Variants in PAX5 observed in about 807,000 individuals in gnomAD.
PAX5 encodes paired box 5.
A neutral mutation model predicts 43.7 loss-of-function variants in PAX5; 9 were observed. That is an observed-to-expected ratio of 0.21 (90% CI 0.12 to 0.36). PAX5 has a LOEUF of 0.36. Among genes scored for constraint, PAX5 ranks in the 10% least tolerant of loss-of-function variants. The probability of loss-of-function intolerance (pLI) is 1.00; values close to 1 mark genes in which losing one functional copy is unlikely to be tolerated. For synonymous variants in PAX5, 228 were observed against 214.3 expected, an observed-to-expected ratio of 1.06 and a Z score of -0.56; for missense variants, 383 against 532.7, an observed-to-expected ratio of 0.72 and a Z score of 2.77.
intron 6 of PAX5, among the ~76,000 whole-genome samples, chr9:36,946,174 GAGTGCTCCGTCAGGATGC>G (rs1457178565): frequency 2.6e-4 from 39 of 152,202 alleles, no homozygotes; most frequent in African/African-American, 9.4e-4. Context: ...ACTCCCTGAG[GAGTGCTCCGTCAGGATGC>G]AGTGCTCCAT....
At chr9:36,874,455 C>A (rs1825742993) in intron 8 of PAX5, among the ~76,000 whole-genome samples, 1 of 152,148 alleles carries the variant, frequency 6.6e-6, no homozygotes, top group African/African-American at 2.4e-5. Flanking sequence ...CCCCTCCCTG[C>A]CAATCCTACT....
intron 7 of PAX5, among the ~76,000 whole-genome samples, chr9:36,915,611 T>C (rs760940815): frequency 2.6e-4 from 39 of 152,190 alleles, no homozygotes; most frequent in Non-Finnish European, 4.3e-4. Flanking sequence ...GAAATTAGCT[T>C]TTTGTCATCT....
chr9:36,985,773 C>T (rs200266193), intron 5 of PAX5, among the ~76,000 whole-genome samples: 1 of 152,176 alleles, frequency 6.6e-6, no homozygotes, highest in Non-Finnish European at 1.5e-5. Flanking sequence ...CCGAACTTCC[C>T]AAGCCACAGC....
chr9:36,933,554 C>A (rs1196109295), intron 6 of PAX5, among the ~76,000 whole-genome samples: 2 of 152,172 alleles, frequency 1.3e-5, no homozygotes, highest in Non-Finnish European at 2.9e-5. Context: ...CAGCACTGGT[C>A]CCCTACCTGG....
At chr9:36,842,317 G>A (rs900987740) in intron 9 of PAX5, among the ~76,000 whole-genome samples, 2 of 152,176 alleles carry the variant, frequency 1.3e-5, no homozygotes, top group Admixed American at 6.5e-5. Flanking sequence ...GGGTGTGTGT[G>A]CATGAGAGGG....
At chr9:36,864,675 C>G (rs1373605231) in intron 8 of PAX5, among the ~76,000 whole-genome samples, 2 of 152,324 alleles carry the variant, frequency 1.3e-5, no homozygotes, top group East Asian at 3.9e-4. Flanking sequence ...TGCCTGCCTC[C>G]TCCGGCCTGG....
intron 7 of PAX5, among the ~76,000 whole-genome samples, chr9:36,901,959 C>T (rs1005257711): frequency 2.8e-4 from 42 of 152,178 alleles, no homozygotes; most frequent in South Asian, 1.7e-3. Context: ...AAACAATTTC[C>T]TTGCTCACAT....
intron 7 of PAX5, among the ~76,000 whole-genome samples, chr9:36,890,347 G>C (rs931774857): frequency 6.6e-6 from 1 of 152,298 alleles, no homozygotes; most frequent in South Asian, 2.1e-4. Context: ...AAGAGGTCCT[G>C]CCCAGAGGAG....
At chr9:36,878,241 G>A (rs910988407) in intron 8 of PAX5, among the ~76,000 whole-genome samples, 3 of 152,188 alleles carry the variant, frequency 2.0e-5, no homozygotes, top group African/African-American at 7.2e-5. Context: ...CTAACACACA[G>A]GTCCATATAA....
chr9:36,954,180 A>G lies in PAX5; in HGVS notation c.780+12369T>C, dbSNP rs928586984. Among the ~76,000 whole-genome samples the G allele has an allele frequency of 1.3e-5, 2 of 152,162 alleles. 1 individual carries two copies. Among genetic ancestry groups the G allele is most frequent in the South Asian group, 4.1e-4 (2 of 4,834 alleles). On this transcript the variant is annotated intron_variant, in intron 6 of 9. Transcript: ENST00000358127. ...TTTTCTTGCCTAATATTTTGTTGAA[A>G]GTTGTACATGATACATGAAGTAATT...
intron 5 of PAX5, among the ~76,000 whole-genome samples, chr9:36,991,024 G>A (rs183783713): frequency 3.4e-3 from 511 of 151,954 alleles, no homozygotes; most frequent in Non-Finnish European, 5.5e-3. Context: ...TGGGAGGATG[G>A]CTTGAGCCCA....
intron 8 of PAX5, among the ~76,000 whole-genome samples, chr9:36,857,703 T>C (rs1823808195): frequency 6.6e-6 from 1 of 152,234 alleles, no homozygotes; most frequent in African/African-American, 2.4e-5. Context: ...GTACTGCCTC[T>C]GTCCCCAGGG....
At chr9:36,880,135 T>C (rs1252491379) in intron 8 of PAX5, among the ~76,000 whole-genome samples, 4 of 152,264 alleles carry the variant, frequency 2.6e-5, no homozygotes, top group Admixed American at 6.5e-5. Flanking sequence ...GGATCGAATG[T>C]AGAATTCTGG....
intron 5 of PAX5, among the ~76,000 whole-genome samples, chr9:36,996,876 GAGAA>G (rs1225733098): frequency 6.6e-6 from 1 of 152,176 alleles, no homozygotes; most frequent in South Asian, 2.1e-4. Context: ...ATGAGTGTGA[GAGAA>G]AGAGAAGAAG....
intron 7 of PAX5, among the ~76,000 whole-genome samples, chr9:36,920,896 C>T (rs915668719): frequency 6.7e-6 from 1 of 150,240 alleles, no homozygotes; most frequent in Non-Finnish European, 1.5e-5. Context: ...TCACTGCAAC[C>T]TCCGCCTTCC....
chr9:36,990,451 G>C (rs1322939349), intron 5 of PAX5, among the ~76,000 whole-genome samples: 2 of 152,232 alleles, frequency 1.3e-5, no homozygotes, highest in Non-Finnish European at 2.9e-5. Flanking sequence ...TAAGAAGTTT[G>C]CATAGCTTCT....
intron 8 of PAX5, among the ~76,000 whole-genome samples, chr9:36,864,985 G>A (rs1824720578): frequency 6.6e-6 from 1 of 152,232 alleles, no homozygotes; most frequent in African/African-American, 2.4e-5. Context: ...GCAGAGAGAG[G>A]CACCGCGGCC....
At position 36,858,311 on chromosome 9, in the gene PAX5, T is replaced by G. The variant is rs560911128; in HGVS notation, c.1013-11382A>C. On this transcript the variant is annotated intron_variant, in intron 8 of 9. Transcript: ENST00000358127. ...ATATTTCAGGATGTTTTTCTCATATTTCAACAAATGCCTAAAATTCTTGAT... is the reference window on the plus strand; with the variant it reads ...ATATTTCAGGATGTTTTTCTCATATGTCAACAAATGCCTAAAATTCTTGAT... Among the ~76,000 whole-genome samples, 4 of 152,344 alleles carry G rather than the reference T, an allele frequency of 2.6e-5. No homozygotes were observed. In the East Asian group the frequency reaches 7.7e-4, roughly 29 times the overall value.
intron 8 of PAX5, among the ~76,000 whole-genome samples, chr9:36,871,539 C>A (rs928674451): frequency 6.6e-6 from 1 of 152,242 alleles, no homozygotes; most frequent in African/African-American, 2.4e-5. Context: ...TCTTCTAAAG[C>A]AAATTCTGAT....
Sources: gnomAD v4.1 joint callset for allele counts (sites outside exome capture counted in the v4.1 genomes callset) on GRCh38, gnomAD v4.1.1 for gene constraint, MANE v1.5 for transcripts, NCBI Gene and HGNC (gene_info 2026-07-23, HGNC 2026-07-21) for gene names.